SNTG1: variants seen among roughly 807,000 people sequenced by gnomAD.
The protein encoded by SNTG1 is syntrophin gamma 1.
SNTG1 carries 39 observed loss-of-function variants against 74.7 expected under a neutral mutation model. That is an observed-to-expected ratio of 0.52 (90% CI 0.40 to 0.68). The LOEUF (loss-of-function observed/expected upper bound fraction) is 0.68. SNTG1 is among the 30% of genes least tolerant of loss of function. The pLI is 0.00. For missense variants in SNTG1, 685 were observed against 609.5 expected, an observed-to-expected ratio of 1.12 and a Z score of -1.30; for synonymous variants, 254 against 217.1, an observed-to-expected ratio of 1.17 and a Z score of -1.49.
chr8:50,310,958 C>G (rs2130749360), intron 2 of SNTG1, among the ~76,000 whole-genome samples: 1 of 152,222 alleles, frequency 6.6e-6, no homozygotes, highest in East Asian at 1.9e-4. Flanking sequence ...TGCCTTTAGA[C>G]AAATGAGGAC....
At chr8:50,500,958 G>C (rs148029975) in intron 8 of SNTG1, among the ~76,000 whole-genome samples, 102 of 152,220 alleles carry the variant, frequency 6.7e-4, no homozygotes, top group African/African-American at 2.3e-3. Flanking sequence ...AGGCAGAGGA[G>C]GATAGTCTCA....
intron 18 of SNTG1, among the ~76,000 whole-genome samples, chr8:50,782,875 GT>G (rs2095663921): frequency 1.3e-5 from 2 of 152,096 alleles, no homozygotes; most frequent in Admixed American, 1.3e-4. Context: ...TGTAAGATGG[GT>G]TTTTGGGGTG....
chr8:50,550,282 C>T (rs1326562236), intron 11 of SNTG1, among the ~76,000 whole-genome samples: 1 of 152,156 alleles, frequency 6.6e-6, no homozygotes, highest in African/African-American at 2.4e-5. Context: ...TTCCAGAACT[C>T]ATGCTCATTC....
chr8:49,944,747 C>T (rs570683629), intron 1 of SNTG1, among the ~76,000 whole-genome samples: 195 of 150,758 alleles, frequency 1.3e-3, no homozygotes, highest in African/African-American at 4.6e-3. Flanking sequence ...ATCCATGTAA[C>T]GTCTACTTCA....
At chr8:49,954,077 A>T (rs1447532000) in intron 1 of SNTG1, among the ~76,000 whole-genome samples, 1 of 152,222 alleles carries the variant, frequency 6.6e-6, no homozygotes, top group African/African-American at 2.4e-5. Flanking sequence ...AGACAAGATT[A>T]GCACCGTTAT....
intron 1 of SNTG1, among the ~76,000 whole-genome samples, chr8:49,925,400 G>T (rs991837540): frequency 6.6e-6 from 1 of 151,970 alleles, no homozygotes; most frequent in African/African-American, 2.4e-5. Flanking sequence ...GCCTTATTTA[G>T]ATTTCACCAG....
At chr8:50,447,585 TCA>T in intron 5 of SNTG1, among the ~76,000 whole-genome samples, 1 of 137,860 alleles carries the variant, frequency 7.3e-6, no homozygotes, top group Non-Finnish European at 1.7e-5. Context: ...GCCGTAGACT[TCA>T]TTCATTCATT....
chr8:50,784,236 A>T (rs1415726184), intron 18 of SNTG1, among the ~76,000 whole-genome samples: 5 of 152,152 alleles, frequency 3.3e-5, no homozygotes, highest in Non-Finnish European at 7.3e-5. Context: ...ATTCAGTCCT[A>T]CTTAGTGGGA....
chr8:50,481,409 A>G (rs1485507038), intron 8 of SNTG1, among the ~76,000 whole-genome samples: 1 of 152,086 alleles, frequency 6.6e-6, no homozygotes, highest in Non-Finnish European at 1.5e-5. Context: ...AACAAAACAT[A>G]CAGTGTAAAG....
At chr8:50,261,267 A>T (rs1340441452) in intron 2 of SNTG1, among the ~76,000 whole-genome samples, 1 of 152,210 alleles carries the variant, frequency 6.6e-6, no homozygotes, top group African/African-American at 2.4e-5. Flanking sequence ...TAAAGTTTTG[A>T]AAAATGAATT....
At chr8:50,102,331 G>C (rs2080168320) in intron 1 of SNTG1, among the ~76,000 whole-genome samples, 1 of 152,108 alleles carries the variant, frequency 6.6e-6, no homozygotes, top group Admixed American at 6.6e-5. Context: ...ATTTTTTCAT[G>C]TGTTTTTTGG....
chr8:50,241,269 T>C (rs1460794156), intron 2 of SNTG1, among the ~76,000 whole-genome samples: 1 of 152,260 alleles, frequency 6.6e-6, no homozygotes, highest in Non-Finnish European at 1.5e-5. Context: ...GAACCTACAT[T>C]ATATTTAAAG....
chr8:50,764,659 T>A (rs954974483), intron 18 of SNTG1, among the ~76,000 whole-genome samples: 3 of 151,950 alleles, frequency 2.0e-5, no homozygotes, highest in African/African-American at 7.2e-5. Flanking sequence ...AGGGAACCCC[T>A]GTATGCTGTT....
chr8:50,788,134 A>G (rs1213195196), intron 18 of SNTG1, among the ~76,000 whole-genome samples: 1 of 152,064 alleles, frequency 6.6e-6, no homozygotes, highest in Non-Finnish European at 1.5e-5. Flanking sequence ...TAAACCTATG[A>G]ATAATGATGG....
intron 13 of SNTG1, among the ~76,000 whole-genome samples, chr8:50,635,997 C>A (rs2095036645): frequency 1.3e-5 from 2 of 151,826 alleles, no homozygotes; most frequent in Admixed American, 6.6e-5. Flanking sequence ...CTTTAATGAG[C>A]AGGTGATGAA....
chr8:50,324,823 C>T (rs1242998361), intron 2 of SNTG1, among the ~76,000 whole-genome samples: 1 of 151,422 alleles, frequency 6.6e-6, no homozygotes, highest in Non-Finnish European at 1.5e-5. Context: ...AAGTCATCAC[C>T]AAATGTAAGG....
chr8:50,422,901 G>T (rs1037704849), intron 4 of SNTG1, among the ~76,000 whole-genome samples: 6 of 152,100 alleles, frequency 3.9e-5, no homozygotes, highest in African/African-American at 1.4e-4. Flanking sequence ...TTGGCAAAGG[G>T]CTATTACCAT....
At chr8:50,394,856 T>C (rs555847836) in intron 3 of SNTG1, among the ~76,000 whole-genome samples, 1 of 151,956 alleles carries the variant, frequency 6.6e-6, no homozygotes, top group Admixed American at 6.6e-5. Context: ...CTTTTTTTTT[T>C]TTTTTTACTA....
At chr8:50,606,725 C>T (rs1446013047) in intron 13 of SNTG1, among the ~76,000 whole-genome samples, 6 of 151,970 alleles carry the variant, frequency 3.9e-5, no homozygotes, top group South Asian at 4.1e-4. Context: ...TGTTCTTTAG[C>T]ATGTTGATGA....
Sources: gnomAD v4.1 joint callset for allele counts (sites outside exome capture counted in the v4.1 genomes callset) on GRCh38, gnomAD v4.1.1 for gene constraint, MANE v1.5 for transcripts, NCBI Gene and HGNC (gene_info 2026-07-23, HGNC 2026-07-21) for gene names.